Variants in NAV3 observed in about 807,000 individuals in gnomAD.
NAV3 encodes the protein neuron navigator 3.
A neutral mutation model predicts 244.7 loss-of-function variants in NAV3; 87 were observed. The observed-to-expected ratio is 0.36, with a 90% CI of 0.30 to 0.42. The LOEUF is 0.42. Ranked by LOEUF, NAV3 falls within the 20% of genes least tolerant of loss-of-function variation. The pLI, the probability that NAV3 is intolerant of heterozygous loss-of-function variation, is 1.00. For synonymous variants in NAV3, 1,126 were observed against 1,042.2 expected, an observed-to-expected ratio of 1.08 and a Z score of -1.55; for missense variants, 2,663 against 2,893.3, an observed-to-expected ratio of 0.92 and a Z score of 1.83.
rs537643267 is a variant in NAV3, at chr12:77,869,437, C to T, written c.243+37733C>T. On this transcript the variant is annotated intron_variant, in intron 1 of 39. Coordinates refer to ENST00000397909, the MANE Select transcript of NAV3 (RefSeq NM_001024383.2). ...TCAATCTTATTGCCCACTATAATTG[C>T]GCATAATATATCATTAAGTAAATGA... Among the ~76,000 whole-genome samples, 19 of 152,226 alleles carry T rather than the reference C, an allele frequency of 1.2e-4. No homozygotes were observed. In the South Asian group the frequency reaches 2.9e-3, roughly 23 times the overall value.
At chr12:77,742,227 T>C (rs1039659760) in intron 2 of NAV3, among the ~76,000 whole-genome samples, 2 of 152,072 alleles carry the variant, frequency 1.3e-5, no homozygotes, top group Admixed American at 6.6e-5. Flanking sequence ...TTGATGTATA[T>C]GTTAGGGTTT....
At chr12:77,636,459 C>A (rs544271990) in intron 2 of NAV3, among the ~76,000 whole-genome samples, 3 of 132,726 alleles carry the variant, frequency 2.3e-5, no homozygotes, top group South Asian at 4.7e-4. Flanking sequence ...TGCCAGACAC[C>A]GTCTCAAAAA....
upstream of NAV3, among the ~76,000 whole-genome samples, chr12:77,829,274 G>A (rs1330958462): frequency 2.0e-5 from 3 of 152,166 alleles, no homozygotes; most frequent in Middle Eastern, 3.2e-3. Context: ...TTAAAGTGTT[G>A]CCAGCATTTA....
intron 3 of NAV3, among the ~76,000 whole-genome samples, chr12:77,941,525 A>G (rs934272176): frequency 6.6e-6 from 1 of 152,224 alleles, no homozygotes; most frequent in Admixed American, 6.5e-5. Context: ...TGTTCATAAC[A>G]AAGTCCAGTG....
intron 36 of NAV3, among the ~76,000 whole-genome samples, chr12:78,198,918 C>CAAAAAA (rs71088371): frequency 1.0e-5 from 1 of 99,516 alleles, no homozygotes; most frequent in African/African-American, 4.8e-5. Flanking sequence ...TAAACAAAAA[C>CAAAAAA]AAAAAAAAAA....
intron 2 of NAV3, among the ~76,000 whole-genome samples, chr12:77,684,948 T>G (rs1034419817): frequency 6.6e-6 from 1 of 152,174 alleles, no homozygotes; most frequent in Non-Finnish European, 1.5e-5. Context: ...TGCTGACACC[T>G]TCGTCAGAAT....
intron 1 of NAV3, among the ~76,000 whole-genome samples, chr12:77,924,419 AT>A (rs1370830897): frequency 6.6e-6 from 1 of 152,072 alleles, no homozygotes; most frequent in African/African-American, 2.4e-5. Flanking sequence ...TCTAGAGAAT[AT>A]TTTATGCTAT....
chr12:78,088,555 A>C (rs1953756908), intron 12 of NAV3, among the ~76,000 whole-genome samples: 1 of 152,028 alleles, frequency 6.6e-6, no homozygotes, highest in Admixed American at 6.5e-5. Flanking sequence ...TCTAAAGGAA[A>C]AATAAAAAAA....
At chr12:77,881,653 G>A (rs954790341) in intron 1 of NAV3, among the ~76,000 whole-genome samples, 7 of 152,030 alleles carry the variant, frequency 4.6e-5, no homozygotes, top group African/African-American at 1.2e-4. Context: ...CTTCCCTGAC[G>A]ATAAGATTTT....
chr12:77,944,828 T>G (rs1019079951), intron 3 of NAV3, among the ~76,000 whole-genome samples: 2 of 152,134 alleles, frequency 1.3e-5, no homozygotes, highest in Non-Finnish European at 2.9e-5. Context: ...AGATGTGGAC[T>G]GCTAATCCTT....
chr12:78,023,059 A>G (rs1001825687), intron 9 of NAV3, among the ~76,000 whole-genome samples: 1 of 152,142 alleles, frequency 6.6e-6, no homozygotes, highest in Non-Finnish European at 1.5e-5. Flanking sequence ...AAATAATGCT[A>G]TGTGTCTATT....
intron 12 of NAV3, among the ~76,000 whole-genome samples, chr12:78,076,053 C>CT (rs1296415623): frequency 6.6e-6 from 1 of 152,188 alleles, no homozygotes; most frequent in African/African-American, 2.4e-5. Flanking sequence ...TCCCAATGCA[C>CT]TTTTTCTCTA....
At chr12:77,764,802 CATGT>C (rs1388044055) in intron 2 of NAV3, among the ~76,000 whole-genome samples, 1 of 152,184 alleles carries the variant, frequency 6.6e-6, no homozygotes, top group Non-Finnish European at 1.5e-5. Context: ...TATGTATATT[CATGT>C]CAGTGTATAG....
Position 77,977,965 on chromosome 12 carries a change from T to A in NAV3, c.671+9263T>A, listed in dbSNP as rs2136235367. 2.0e-5 allele frequency among the ~76,000 whole-genome samples: 3 copies of A among 152,150 alleles called. No homozygotes were observed. The East Asian group carries it at 5.8e-4, about 29-fold the overall frequency. On this transcript the variant is annotated intron_variant, in intron 5 of 39. Coordinates refer to ENST00000397909, the MANE Select transcript of NAV3 (RefSeq NM_001024383.2). The stretch of plus-strand genomic sequence containing the variant: ...GTAAAAAATGCCTTTTTTACGGGAT[T>A]ATCCAGTTATTATAGTTTAAAATGC...
intron 12 of NAV3, among the ~76,000 whole-genome samples, chr12:78,086,352 A>T (rs1004826005): frequency 6.6e-6 from 1 of 152,098 alleles, no homozygotes; most frequent in African/African-American, 2.4e-5. Context: ...AGTCTGGGAT[A>T]TGTATTGTTA....
chr12:78,069,766 TA>T (rs1952659965), intron 12 of NAV3, among the ~76,000 whole-genome samples: 1 of 151,992 alleles, frequency 6.6e-6, no homozygotes, highest in Admixed American at 6.6e-5. Flanking sequence ...TTGAACTTAC[TA>T]GGAGATGCCT....
intron 1 of NAV3, among the ~76,000 whole-genome samples, chr12:77,913,422 C>T (rs1484832020): frequency 6.6e-6 from 1 of 151,856 alleles, no homozygotes; most frequent in Non-Finnish European, 1.5e-5. Context: ...AATATTTAAC[C>T]ATAAACTAGG....
chr12:77,584,279 A>G (rs1188569657), intron 2 of NAV3, among the ~76,000 whole-genome samples: 1 of 151,782 alleles, frequency 6.6e-6, no homozygotes, highest in African/African-American at 2.4e-5. Flanking sequence ...AGAAAAGCCT[A>G]TGTGGGTACA....
intron 2 of NAV3, among the ~76,000 whole-genome samples, chr12:77,600,827 C>T (rs1233702777): frequency 6.6e-6 from 1 of 151,914 alleles, no homozygotes; most frequent in Admixed American, 6.6e-5. Flanking sequence ...GCTCTGGCTC[C>T]TAGTATCTTT....
Sources: allele counts gnomAD v4.1 joint callset (sites outside exome capture counted in the v4.1 genomes callset), GRCh38; gene constraint gnomAD v4.1.1; transcripts MANE v1.5; gene names NCBI Gene and HGNC (gene_info 2026-07-23, HGNC 2026-07-21).